PRKN: variants seen among roughly 807,000 people sequenced by gnomAD.
The protein encoded by PRKN is parkin RBR E3 ubiquitin protein ligase.
PRKN carries 56 observed loss-of-function variants against 59.5 expected under a neutral mutation model. That is an observed-to-expected ratio of 0.94 (90% CI 0.76 to 1.18). The LOEUF (loss-of-function observed/expected upper bound fraction) is 1.18. Ranked by LOEUF, PRKN falls within the 50% of genes most tolerant of loss-of-function variation. The pLI is 0.00. For missense variants in PRKN, 657 were observed against 596.4 expected (o/e 1.10, Z -1.06); for synonymous variants, 250 against 222.1 (o/e 1.13, Z -1.12).
At chr6:162,198,204 A>T (rs992447571) in intron 4 of PRKN, among the ~76,000 whole-genome samples, 15 of 152,242 alleles carry the variant, frequency 9.9e-5, no homozygotes, top group African/African-American at 3.1e-4. Context: ...ATCTCTGGGA[A>T]CTGAGAAAAA....
chr6:162,234,442 A>G (rs777917615), intron 3 of PRKN, among the ~76,000 whole-genome samples: 5 of 152,242 alleles, frequency 3.3e-5, no homozygotes, highest in African/African-American at 4.8e-5. Flanking sequence ...ATTTAGTTAT[A>G]TAACATAATA....
At chr6:162,180,366 T>C (rs1475378621) in intron 4 of PRKN, among the ~76,000 whole-genome samples, 5 of 152,174 alleles carry the variant, frequency 3.3e-5, no homozygotes, top group Non-Finnish European at 5.9e-5. Flanking sequence ...CTGTGCTTAT[T>C]TCACATTGCA....
intron 5 of PRKN, among the ~76,000 whole-genome samples, chr6:161,975,124 C>T (rs1433439127): frequency 1.4e-5 from 2 of 147,928 alleles, no homozygotes; most frequent in Non-Finnish European, 3.0e-5. Context: ...GAGTCTCTGC[C>T]TTCCAGGCTG....
chr6:161,379,639 G>A lies in PRKN; in HGVS notation c.1167+7155C>T, dbSNP rs141187115. Among the ~76,000 whole-genome samples, 1,999 of 152,250 alleles carry A rather than the reference G, an allele frequency of 0.013. 40 individuals are homozygous for A. The highest frequency in any genetic ancestry group is 0.046 in the African/African-American group (1,918 of 41,538). On this transcript the variant is annotated intron_variant, in intron 10 of 11. Transcript: ENST00000366898. The surrounding 1 kb of genome is among the most constrained non-coding windows in gnomAD (Gnocchi z 4.9). ...CACCCAAAGCCTTTCTTCCTTCTGCGGGAAGCCCACATCGAAAACCTGGTC... is the reference window on the plus strand; with the variant it reads ...CACCCAAAGCCTTTCTTCCTTCTGCAGGAAGCCCACATCGAAAACCTGGTC...
intron 9 of PRKN, among the ~76,000 whole-genome samples, chr6:161,532,702 T>C (rs1474792292): frequency 6.6e-6 from 1 of 152,162 alleles, no homozygotes; most frequent in Non-Finnish European, 1.5e-5. Context: ...CACGTGGTAA[T>C]ATGGCTGGAA....
At chr6:161,812,140 G>C (rs1425810826) in intron 6 of PRKN, among the ~76,000 whole-genome samples, 1 of 152,098 alleles carries the variant, frequency 6.6e-6, no homozygotes, top group Non-Finnish European at 1.5e-5. Flanking sequence ...CAATCCCAGT[G>C]CTTTGGGAAG....
Position 161,473,082 on chromosome 6 carries a change from C to T in PRKN, c.1083+75772G>A, listed in dbSNP as rs537541249. On this transcript the variant is annotated intron_variant, in intron 9 of 11. Coordinates refer to ENST00000366898, the MANE Select transcript of PRKN (RefSeq NM_004562.3). This position sits in a 1 kb window ranked among gnomAD's most constrained non-coding sequence, Gnocchi z 4.1. Reference sequence around the variant, plus strand: ...GTTGCAGCCTTTATGGAAAACAGTACGAAGGTTCCTTAAAAAATAAAAAAA... The same window carrying T: ...GTTGCAGCCTTTATGGAAAACAGTATGAAGGTTCCTTAAAAAATAAAAAAA... Among the ~76,000 whole-genome samples, 3 of 151,918 alleles carry T rather than the reference C, an allele frequency of 2.0e-5. No individual in the cohort carries two copies. The highest frequency in any genetic ancestry group is 1.9e-4 in the East Asian group (1 of 5,184).
At chr6:162,134,817 T>A (rs1314616433) in intron 4 of PRKN, among the ~76,000 whole-genome samples, 1 of 152,154 alleles carries the variant, frequency 6.6e-6, no homozygotes, top group African/African-American at 2.4e-5. Context: ...TGGTAAGTAA[T>A]TACAATAATG....
At chr6:161,640,784 TAC>T (rs1329407572) in intron 7 of PRKN, among the ~76,000 whole-genome samples, 1 of 152,232 alleles carries the variant, frequency 6.6e-6, no homozygotes, top group East Asian at 1.9e-4. Context: ...TGCTGTATTT[TAC>T]ACAGTTTTCT....
At chr6:162,679,059 G>A (rs894231722) in intron 1 of PRKN, among the ~76,000 whole-genome samples, 1 of 148,386 alleles carries the variant, frequency 6.7e-6, no homozygotes, top group African/African-American at 2.5e-5. Context: ...ACAGACGTGA[G>A]CCACTGTGCC....
chr6:161,691,277 A>T (rs16892913), intron 7 of PRKN, among the ~76,000 whole-genome samples: 8,247 of 152,288 alleles, frequency 0.054, 375 homozygotes, highest in African/African-American at 0.12. Flanking sequence ...AGTGCCTGGA[A>T]AAACAGCCTC....
At chr6:162,574,267 A>G (rs1244847130) in intron 1 of PRKN, among the ~76,000 whole-genome samples, 4 of 152,286 alleles carry the variant, frequency 2.6e-5, no homozygotes, top group Non-Finnish European at 2.9e-5. Flanking sequence ...AGAAGGGAGT[A>G]TATCTGGAGA....
At chr6:161,655,632 A>G (rs1030605326) in intron 7 of PRKN, among the ~76,000 whole-genome samples, 1 of 152,252 alleles carries the variant, frequency 6.6e-6, no homozygotes, top group Non-Finnish European at 1.5e-5. Context: ...AATGTCCACA[A>G]TAACGACAAT....
chr6:162,631,556 T>G (rs1562452949), intron 1 of PRKN, among the ~76,000 whole-genome samples: 1 of 152,146 alleles, frequency 6.6e-6, no homozygotes, highest in East Asian at 1.9e-4. Context: ...TTTTGCTTCT[T>G]GATTTGTTAG....
At chr6:162,103,722 C>A (rs935577119) in intron 4 of PRKN, among the ~76,000 whole-genome samples, 1 of 152,152 alleles carries the variant, frequency 6.6e-6, no homozygotes, top group Admixed American at 6.5e-5. Flanking sequence ...AGTGGGCCTT[C>A]TGAGCCCAGA....
intron 7 of PRKN, among the ~76,000 whole-genome samples, chr6:161,707,363 T>C (rs1273969750): frequency 2.0e-5 from 3 of 152,182 alleles, no homozygotes; most frequent in African/African-American, 4.8e-5. Flanking sequence ...GAAACGCCGG[T>C]ATGCTAAGGC....
At chr6:162,156,557 A>G (rs1782522622) in intron 4 of PRKN, among the ~76,000 whole-genome samples, 1 of 152,152 alleles carries the variant, frequency 6.6e-6, no homozygotes, top group Non-Finnish European at 1.5e-5. Flanking sequence ...GCACGGGAGA[A>G]AGATGGAGGC....
chr6:162,159,602 A>T (rs1188625411), intron 4 of PRKN, among the ~76,000 whole-genome samples: 1 of 152,244 alleles, frequency 6.6e-6, no homozygotes, highest in Non-Finnish European at 1.5e-5. Context: ...AATTGACAAG[A>T]AAGTTCTAAA....
rs938253076 is a variant in PRKN at position 161,525,609 on chromosome 6, G to T, written c.1083+23245C>A. 2.6e-5 allele frequency among the ~76,000 whole-genome samples: 4 copies of T among 152,160 alleles called. No homozygotes were observed. The highest frequency in any genetic ancestry group is 5.9e-5 in the Non-Finnish European group (4 of 68,030). Reference sequence around the variant, plus strand: ...TTAGTTTATGAGAAGGCTGTAGGAGGCAGTTCCCGGAGCCTAAGTATTAAA... The same window carrying T: ...TTAGTTTATGAGAAGGCTGTAGGAGTCAGTTCCCGGAGCCTAAGTATTAAA... On this transcript the variant is annotated intron_variant, in intron 9 of 11. Transcript: ENST00000366898. The surrounding 1 kb of genome is among the most constrained non-coding windows in gnomAD (Gnocchi z 4.7).
Sources: gnomAD v4.1 joint callset for allele counts (sites outside exome capture counted in the v4.1 genomes callset) on GRCh38, gnomAD v4.1.1 for gene constraint, Gnocchi (gnomAD v3.1) non-coding constraint, MANE v1.5 for transcripts, NCBI Gene and HGNC (gene_info 2026-07-23, HGNC 2026-07-21) for gene names.